The following CCDC15 variants were observed in gnomAD, a reference collection of about 807,000 sequenced individuals.
The protein encoded by CCDC15 is coiled-coil domain-containing protein 15.
CCDC15 carries 105 observed loss-of-function variants against 114.5 expected under a neutral mutation model. The ratio of observed to expected loss-of-function variants is 0.92; its 90% confidence interval spans 0.78 to 1.08. The LOEUF (loss-of-function observed/expected upper bound fraction) is 1.08, where lower values mean the gene tolerates loss of function less well. Among genes scored for constraint, CCDC15 ranks in the 50% least tolerant of loss-of-function variants. The probability of loss-of-function intolerance (pLI) is 0.00; values close to 1 mark genes in which losing one functional copy is unlikely to be tolerated. For synonymous variants in CCDC15, 334 were observed against 377.8 expected (o/e 0.88, Z 1.34); for missense variants, 1,105 against 1,093.6 (o/e 1.01, Z -0.15).
At chr11:125,022,286 G>C (rs1195837188) in intron 13 of CCDC15, among the ~76,000 whole-genome samples, 1 of 151,684 alleles carries the variant, frequency 6.6e-6, no homozygotes, top group Non-Finnish European at 1.5e-5. Context: ...ATCTTCACTA[G>C]TATAAAAGCA....
In CCDC15 at chr11:125,038,858, C is replaced by T. The variant is rs1285409687; in HGVS notation, c.2586-63C>T. The T allele has an allele frequency of 4.6e-6, 7 of 1,525,026 alleles. No individual in the cohort carries two copies. The South Asian group carries it at 6.0e-5, about 13-fold the overall frequency. 94.5% of individuals were successfully genotyped at this position (1,525,026 alleles called of 1,614,324 possible). ...TAACAGTTAAATCTGGCTGTAAAAT[C>T]AGGATTCATACTCACTTTCTTTTTA... On this transcript the variant is annotated intron_variant, in intron 14 of 15. Transcript: ENST00000344762.
chr11:124,974,778 T>A (rs1947946157), intron 4 of CCDC15, among the ~76,000 whole-genome samples: 2 of 152,248 alleles, frequency 1.3e-5, no homozygotes, highest in Non-Finnish European at 2.9e-5. Flanking sequence ...GTCTGGTCAG[T>A]GATCTCCAAG....
At chr11:125,017,584 C>A (rs1948636571) in intron 13 of CCDC15, among the ~76,000 whole-genome samples, 1 of 152,014 alleles carries the variant, frequency 6.6e-6, no homozygotes, top group Non-Finnish European at 1.5e-5. Flanking sequence ...TAATGAACAC[C>A]TATGTTACTG....
At chr11:125,002,368 G>C (rs1444225895) in intron 11 of CCDC15, among the ~76,000 whole-genome samples, 1 of 152,066 alleles carries the variant, frequency 6.6e-6, no homozygotes, top group African/African-American at 2.4e-5. Context: ...CTTTCTTGAT[G>C]GTTTCCTCTG....
intron 11 of CCDC15, among the ~76,000 whole-genome samples, chr11:125,003,444 A>G (rs1189934027): frequency 6.6e-6 from 1 of 151,946 alleles, no homozygotes; most frequent in Non-Finnish European, 1.5e-5. Context: ...GATTGATATA[A>G]TATTTTCTCT....
chr11:125,016,376 T>TGTG (rs1478741159), intron 13 of CCDC15, among the ~76,000 whole-genome samples: 1 of 152,166 alleles, frequency 6.6e-6, no homozygotes, highest in Non-Finnish European at 1.5e-5. Flanking sequence ...TAAAAAAGTA[T>TGTG]GTGGACTGGG....
chr11:125,018,888 A>G (rs190613505), intron 13 of CCDC15, among the ~76,000 whole-genome samples: 16 of 152,018 alleles, frequency 1.1e-4, no homozygotes, highest in East Asian at 5.8e-4. Flanking sequence ...TGGGGATAGT[A>G]TAAGACAAAG....
intron 13 of CCDC15, among the ~76,000 whole-genome samples, chr11:125,035,081 G>A (rs745595403): frequency 6.6e-6 from 1 of 152,192 alleles, no homozygotes; most frequent in Admixed American, 6.5e-5. Context: ...GAAGCATCCA[G>A]CATGGGAGAA....
At chr11:124,963,084 A>G (rs1000853151) in intron 4 of CCDC15, among the ~76,000 whole-genome samples, 1 of 152,180 alleles carries the variant, frequency 6.6e-6, no homozygotes, top group African/African-American at 2.4e-5. Context: ...AGCCTTTGCT[A>G]TTGTGAATAG....
At chr11:124,995,916 G>A (rs561352991) in intron 11 of CCDC15, among the ~76,000 whole-genome samples, 4 of 151,518 alleles carry the variant, frequency 2.6e-5, no homozygotes, top group South Asian at 2.1e-4. Flanking sequence ...CTGCAACTCC[G>A]CCTCCCGGGT....
chr11:124,967,829 C>G (rs1348491818), intron 4 of CCDC15, among the ~76,000 whole-genome samples: 1 of 152,070 alleles, frequency 6.6e-6, no homozygotes, highest in Non-Finnish European at 1.5e-5. Context: ...TGTGGATGTC[C>G]TTTTTGTTGA....
intron 4 of CCDC15, among the ~76,000 whole-genome samples, chr11:124,961,804 G>C (rs763470228): frequency 6.6e-6 from 1 of 152,070 alleles, no homozygotes; most frequent in Non-Finnish European, 1.5e-5. Context: ...GGGATTACAG[G>C]TGTGAGCCAC....
At chr11:125,039,345 C>A (rs945921072) in intron 15 of CCDC15, 1 of 319,254 alleles carries the variant, frequency 3.1e-6, no homozygotes, top group South Asian at 1.2e-4. Flanking sequence ...TAACTGAAGA[C>A]TATTAGAATT....
At chr11:124,974,107 T>G (rs1947931387) in intron 4 of CCDC15, among the ~76,000 whole-genome samples, 1 of 152,170 alleles carries the variant, frequency 6.6e-6, no homozygotes, top group South Asian at 2.1e-4. Flanking sequence ...CCTGAGTAGC[T>G]GGGATTACAG....
intron 8 of CCDC15, among the ~76,000 whole-genome samples, chr11:124,990,554 T>C (rs956438021): frequency 2.6e-5 from 4 of 152,226 alleles, no homozygotes; most frequent in Non-Finnish European, 4.4e-5. Context: ...TGTACCTGAT[T>C]TGGAGATCCA....
At chr11:124,966,475 GT>G (rs200761892) in intron 4 of CCDC15, among the ~76,000 whole-genome samples, 3 of 145,732 alleles carry the variant, frequency 2.1e-5, no homozygotes, top group African/African-American at 7.5e-5. Flanking sequence ...TTTTTTTTTT[GT>G]TTGTTTTCCA....
In CCDC15 at chr11:125,005,110, G is replaced by A. The variant is rs117398771; in HGVS notation, c.2309G>A (p.Arg770His). 1.7e-3 allele frequency: 2,481 copies of A among 1,442,018 alleles called. 20 individuals are homozygous for A. Among genetic ancestry groups the A allele is most frequent in the East Asian group, 6.3e-3 (258 of 41,156 alleles). 89.3% of individuals were successfully genotyped at this position (1,442,018 alleles called of 1,614,324 possible). The change falls in exon 13 of 16, where the codon CGT (arginine) becomes CAT (histidine). Residue 770 changes from arginine (R) to histidine (H), a missense_variant and splice_region_variant. Arg to His is a conservative substitution (Grantham distance 29). Coordinates refer to ENST00000344762, the MANE Select transcript of CCDC15 (RefSeq NM_025004.3). ...GTAATTTTAACTTCTTACCTTTAGC[G>A]TCAAAAGCAGTACCTGAGACATAGA... Reference protein sequence around the residue: ...DVDKEEDKKERQKQYLRHRRL... With the variant: ...DVDKEEDKKEHQKQYLRHRRL...
chr11:124,979,810 T>C (rs1277864626), intron 6 of CCDC15, among the ~76,000 whole-genome samples: 1 of 152,172 alleles, frequency 6.6e-6, no homozygotes, highest in Non-Finnish European at 1.5e-5. Context: ...CCATGTTGAA[T>C]AGGAATGATG....
At chr11:125,022,566 G>A (rs1011948526) in intron 13 of CCDC15, among the ~76,000 whole-genome samples, 2 of 151,884 alleles carry the variant, frequency 1.3e-5, no homozygotes, top group Non-Finnish European at 2.9e-5. Flanking sequence ...CATCTCTTGT[G>A]TGTTTTTCCA....
Sources: gnomAD v4.1 joint callset for allele counts (sites outside exome capture counted in the v4.1 genomes callset) on GRCh38, gnomAD v4.1.1 for gene constraint, MANE v1.5 for transcripts, NCBI Gene and HGNC (gene_info 2026-07-23, HGNC 2026-07-21) for gene names.